HS6ST3: variants seen among roughly 807,000 people sequenced by gnomAD.
The protein encoded by HS6ST3 is heparan sulfate 6-O-sulfotransferase 3.
In HS6ST3, 12 loss-of-function variants were observed where a neutral mutation model predicts 36.7. The ratio of observed to expected loss-of-function variants is 0.33; its 90% CI spans 0.21 to 0.53. HS6ST3 has a LOEUF of 0.53. Among genes scored for constraint, HS6ST3 ranks in the 20% least tolerant of loss-of-function variants. The probability of loss-of-function intolerance (pLI) is 0.95; values close to 1 mark genes in which losing one functional copy is unlikely to be tolerated. For synonymous variants in HS6ST3, 240 were observed against 257.5 expected (o/e 0.93, Z 0.65); for missense variants, 584 against 640.9 (o/e 0.91, Z 0.96).
chr13:96,304,096 T>C (rs1594748004), intron 1 of HS6ST3, among the ~76,000 whole-genome samples: 1 of 151,278 alleles, frequency 6.6e-6, no homozygotes, highest in African/African-American at 2.4e-5. Context: ...TGAGCCGAGA[T>C]TGCACCATTG....
intron 1 of HS6ST3, among the ~76,000 whole-genome samples, chr13:96,236,187 T>C (rs574434651): frequency 1.4e-4 from 22 of 152,194 alleles, no homozygotes; most frequent in Non-Finnish European, 2.9e-4. Context: ...CATGCTGTTA[T>C]GCTGCTAGCT....
intron 1 of HS6ST3, among the ~76,000 whole-genome samples, chr13:96,273,399 C>T (rs568508051): frequency 1.2e-4 from 19 of 152,074 alleles, no homozygotes; most frequent in East Asian, 1.9e-4. Flanking sequence ...TTGGGTCCCA[C>T]GTGATGGCTG....
Position 96,746,921 on chromosome 13 carries a change from A to G in HS6ST3, c.708-85569A>G, listed in dbSNP as rs193014158. Among the ~76,000 whole-genome samples, 318 of 152,210 alleles carry G rather than the reference A, an allele frequency of 2.1e-3. 1 individual carries two copies. Among genetic ancestry groups the G allele is most frequent in the Non-Finnish European group, 3.3e-3 (225 of 67,976 alleles). On this transcript the variant is annotated intron_variant, in intron 1 of 1. Coordinates refer to ENST00000376705, the MANE Select transcript of HS6ST3 (RefSeq NM_153456.4). ...GGTTCTTATGCCATTGATTCTTGCC[A>G]TGGTACTAATAGATATTTTTGGTTT...
intron 1 of HS6ST3, among the ~76,000 whole-genome samples, chr13:96,649,865 G>A (rs564484657): frequency 6.6e-6 from 1 of 152,144 alleles, no homozygotes; most frequent in African/African-American, 2.4e-5. Context: ...ACTATGGCCT[G>A]TAAAATACTG....
chr13:96,382,273 A>G (rs2055345211), intron 1 of HS6ST3, among the ~76,000 whole-genome samples: 1 of 152,212 alleles, frequency 6.6e-6, no homozygotes, highest in Non-Finnish European at 1.5e-5. Flanking sequence ...TTCAGGTCTT[A>G]TACCATACTC....
At chr13:96,672,831 T>C (rs1352247073) in intron 1 of HS6ST3, among the ~76,000 whole-genome samples, 3 of 152,202 alleles carry the variant, frequency 2.0e-5, no homozygotes, top group South Asian at 2.1e-4. Flanking sequence ...TATCTTCTTC[T>C]ATCTTTTAGT....
intron 1 of HS6ST3, among the ~76,000 whole-genome samples, chr13:96,803,896 C>A (rs1878138986): frequency 6.6e-6 from 1 of 151,980 alleles, no homozygotes; most frequent in South Asian, 2.1e-4. Flanking sequence ...GCAAAAAAGA[C>A]ATTTCTAACA....
intron 1 of HS6ST3, among the ~76,000 whole-genome samples, chr13:96,782,052 A>G (rs1283145265): frequency 6.6e-6 from 1 of 152,202 alleles, no homozygotes; most frequent in Non-Finnish European, 1.5e-5. Context: ...TAGAAATGAT[A>G]AGGCATATTT....
At chr13:96,703,455 C>T (rs1042249461) in intron 1 of HS6ST3, among the ~76,000 whole-genome samples, 5 of 152,176 alleles carry the variant, frequency 3.3e-5, no homozygotes, top group African/African-American at 1.2e-4. Context: ...GTTGTGCTCT[C>T]ATCAGAGGCA....
intron 1 of HS6ST3, among the ~76,000 whole-genome samples, chr13:96,397,417 T>G (rs1255912434): frequency 6.6e-6 from 1 of 152,180 alleles, no homozygotes; most frequent in Non-Finnish European, 1.5e-5. Flanking sequence ...TTTGTCTATC[T>G]TAATACTTTA....
intron 1 of HS6ST3, among the ~76,000 whole-genome samples, chr13:96,541,610 G>C (rs1232071708): frequency 6.6e-6 from 1 of 152,114 alleles, no homozygotes; most frequent in Non-Finnish European, 1.5e-5. Context: ...TATGATTACA[G>C]GTGGTATAAA....
At chr13:96,366,167 C>T (rs1354325144) in intron 1 of HS6ST3, among the ~76,000 whole-genome samples, 3 of 151,996 alleles carry the variant, frequency 2.0e-5, no homozygotes, top group African/African-American at 7.3e-5. Context: ...TTTTCATTTT[C>T]TTATAATTTA....
chr13:96,506,378 A>T (rs1410890494), intron 1 of HS6ST3, among the ~76,000 whole-genome samples: 1 of 152,154 alleles, frequency 6.6e-6, no homozygotes, highest in Non-Finnish European at 1.5e-5. Flanking sequence ...CAAAAACAGA[A>T]TTTCTGATTC....
At chr13:96,567,916 A>G (rs1424480295) in intron 1 of HS6ST3, among the ~76,000 whole-genome samples, 1 of 152,206 alleles carries the variant, frequency 6.6e-6, no homozygotes, top group Non-Finnish European at 1.5e-5. Context: ...GCGCATAAGA[A>G]AAGATGGGAT....
At chr13:96,663,391 G>A (rs897640188) in intron 1 of HS6ST3, among the ~76,000 whole-genome samples, 7 of 152,070 alleles carry the variant, frequency 4.6e-5, no homozygotes, top group Non-Finnish European at 5.9e-5. Flanking sequence ...GCTAATAAGT[G>A]CATAATAAAG....
At chr13:96,157,186 T>C (rs2054114555) in intron 1 of HS6ST3, among the ~76,000 whole-genome samples, 1 of 152,258 alleles carries the variant, frequency 6.6e-6, no homozygotes, top group Non-Finnish European at 1.5e-5. Flanking sequence ...TGCTGCCATT[T>C]AGTAAATGTT....
intron 1 of HS6ST3, among the ~76,000 whole-genome samples, chr13:96,390,080 A>G (rs2055388234): frequency 6.6e-6 from 1 of 152,008 alleles, no homozygotes; most frequent in Admixed American, 6.6e-5. Context: ...ATTGTTTGCC[A>G]TTTTACTTTC....
At chr13:96,281,671 G>C (rs1214743804) in intron 1 of HS6ST3, among the ~76,000 whole-genome samples, 1 of 152,162 alleles carries the variant, frequency 6.6e-6, no homozygotes, top group Non-Finnish European at 1.5e-5. Flanking sequence ...ACTGGGACTT[G>C]AATTATCGTT....
At chr13:96,721,695 G>A (rs563543987) in intron 1 of HS6ST3, among the ~76,000 whole-genome samples, 1 of 152,222 alleles carries the variant, frequency 6.6e-6, no homozygotes, top group African/African-American at 2.4e-5. Context: ...GGCCAGATAT[G>A]TTTCTTAAAC....
Sources: gnomAD v4.1 joint callset for allele counts (sites outside exome capture counted in the v4.1 genomes callset) on GRCh38, gnomAD v4.1.1 for gene constraint, MANE v1.5 for transcripts, NCBI Gene and HGNC (gene_info 2026-07-23, HGNC 2026-07-21) for gene names.